The following WDR70 variants were observed in gnomAD, a reference collection of about 807,000 sequenced individuals.
WDR70 encodes WD repeat-containing protein 70.
A neutral mutation model predicts 88.6 loss-of-function variants in WDR70; 53 were observed. The ratio of observed to expected loss-of-function variants is 0.60; its 90% CI spans 0.48 to 0.75. The LOEUF (loss-of-function observed/expected upper bound fraction) is 0.75, where lower values mean the gene tolerates loss of function less well. WDR70 is among the 30% of genes least tolerant of loss of function. The pLI is 0.00. For missense variants in WDR70, 610 were observed against 823.2 expected, an observed-to-expected ratio of 0.74 and a Z score of 3.17; for synonymous variants, 280 against 270.0, an observed-to-expected ratio of 1.04 and a Z score of -0.36.
intron 7 of WDR70, among the ~76,000 whole-genome samples, chr5:37,464,792 T>C (rs912069394): frequency 6.6e-6 from 1 of 152,204 alleles, no homozygotes; most frequent in Non-Finnish European, 1.5e-5. Flanking sequence ...TGGAGCAAAC[T>C]GCACGGGTGC....
At chr5:37,494,973 A>G (rs2112201463) in intron 8 of WDR70, among the ~76,000 whole-genome samples, 1 of 152,384 alleles carries the variant, frequency 6.6e-6, no homozygotes. Context: ...TTATTGGAAC[A>G]TAGACACATC....
At chr5:37,489,498 T>C (rs1739996698) in intron 8 of WDR70, among the ~76,000 whole-genome samples, 1 of 152,118 alleles carries the variant, frequency 6.6e-6, no homozygotes, top group Non-Finnish European at 1.5e-5. Flanking sequence ...TTGGTGGTGG[T>C]GGCAGGCTGA....
At chr5:37,679,784 A>G (rs1746366668) in intron 10 of WDR70, among the ~76,000 whole-genome samples, 1 of 152,206 alleles carries the variant, frequency 6.6e-6, no homozygotes, top group Non-Finnish European at 1.5e-5. Context: ...GGGACATTTA[A>G]GTCTGCAGAG....
chr5:37,435,540 C>G (rs1750441028), intron 5 of WDR70, among the ~76,000 whole-genome samples: 1 of 152,068 alleles, frequency 6.6e-6, no homozygotes, highest in African/African-American at 2.4e-5. Context: ...GTAAACAAAA[C>G]AGTAATGTCT....
intron 10 of WDR70, among the ~76,000 whole-genome samples, chr5:37,625,659 G>T (rs907021881): frequency 1.3e-5 from 2 of 151,834 alleles, no homozygotes; most frequent in Non-Finnish European, 2.9e-5. Context: ...TGAGTAGTTG[G>T]GATTACAGGT....
At chr5:37,728,347 CCAAAAAAAAAAAAAAA>C (rs200001687) in intron 17 of WDR70, among the ~76,000 whole-genome samples, 4,701 of 78,790 alleles carry the variant, frequency 0.06, 252 homozygotes, top group African/African-American at 0.18. Flanking sequence ...GACCTTGCCT[CCAAAAAAAAAAAAAAA>C]CAAAAAAAAA....
intron 10 of WDR70, among the ~76,000 whole-genome samples, chr5:37,636,506 A>G (rs1382558598): frequency 1.3e-5 from 2 of 152,216 alleles, no homozygotes; most frequent in South Asian, 2.1e-4. Context: ...TATCAGCTAC[A>G]AAGGGAGAAT....
At chr5:37,725,151 G>A in intron 16 of WDR70, 101 bp downstream of exon 16, 1 of 911,304 alleles carries the variant, frequency 1.1e-6, no homozygotes, top group South Asian at 1.5e-5. Context: ...ATGCTTCTTT[G>A]TCTTCAGAGA....
intron 7 of WDR70, among the ~76,000 whole-genome samples, chr5:37,468,227 G>A (rs901535974): frequency 6.6e-6 from 1 of 152,150 alleles, no homozygotes; most frequent in Non-Finnish European, 1.5e-5. Context: ...ACTTGTTGAT[G>A]TAAATCTGAT....
intron 8 of WDR70, among the ~76,000 whole-genome samples, chr5:37,493,795 GA>G (rs1194902596): frequency 6.6e-6 from 1 of 151,612 alleles, no homozygotes. Flanking sequence ...ATCAAACAAA[GA>G]GCAGGAGTTA....
intron 11 of WDR70, 65 bp downstream of exon 11, chr5:37,697,819 A>T (rs1419098141): frequency 7.1e-7 from 1 of 1,399,694 alleles, no homozygotes; most frequent in Non-Finnish European, 1.0e-6. Flanking sequence ...AACAAATATG[A>T]CAATAATATC....
intron 6 of WDR70, among the ~76,000 whole-genome samples, chr5:37,441,569 C>A (rs532482694): frequency 6.6e-6 from 1 of 152,206 alleles, no homozygotes; most frequent in East Asian, 1.9e-4. Flanking sequence ...CTTCTAATCC[C>A]AGCTTTGCGA....
rs546044328 is a variant in WDR70 at position 37,698,873 on chromosome 5, A to G, written c.1192+1119A>G. Among the ~76,000 whole-genome samples the G allele has an allele frequency of 8.5e-5, 13 of 152,310 alleles. No homozygotes were observed. The South Asian group carries it at 2.3e-3, about 27-fold the overall frequency. On this transcript the variant is annotated intron_variant, in intron 11 of 17. Transcript: ENST00000265107. ...GTATAACTTTAAAAAATCAAAGCAC[A>G]TGTACATGTAATTCTCTATTTATGA...
chr5:37,530,873 T>C (rs1272984163), intron 9 of WDR70, among the ~76,000 whole-genome samples: 1 of 151,928 alleles, frequency 6.6e-6, no homozygotes. Context: ...TCCAGTTCCA[T>C]GAGGCGTGAC....
intron 10 of WDR70, among the ~76,000 whole-genome samples, chr5:37,675,082 T>A (rs1458041613): frequency 7.2e-5 from 11 of 152,174 alleles, no homozygotes; most frequent in Admixed American, 2.6e-4. Flanking sequence ...ATGCGGTTGT[T>A]TGTTTTCTTC....
chr5:37,511,871 C>T (rs1740732602), intron 8 of WDR70, among the ~76,000 whole-genome samples: 1 of 152,120 alleles, frequency 6.6e-6, no homozygotes, highest in Non-Finnish European at 1.5e-5. Flanking sequence ...CTAATGCATA[C>T]CACTGCAAAA....
chr5:37,489,152 G>A (rs1339729798), intron 8 of WDR70, among the ~76,000 whole-genome samples: 1 of 152,198 alleles, frequency 6.6e-6, no homozygotes, highest in African/African-American at 2.4e-5. Context: ...GCAATGCCAG[G>A]TGGGCCAGTC....
intron 10 of WDR70, among the ~76,000 whole-genome samples, chr5:37,655,799 G>A (rs1745537280): frequency 2.0e-5 from 3 of 151,732 alleles, no homozygotes; most frequent in South Asian, 4.1e-4. Context: ...GATCATTTAT[G>A]TTCTTCTCTA....
intron 2 of WDR70, among the ~76,000 whole-genome samples, chr5:37,381,072 C>T (rs1748410054): frequency 2.6e-5 from 4 of 152,172 alleles, no homozygotes; most frequent in Admixed American, 2.6e-4. Context: ...TGTTTCCATG[C>T]TCATCCAGTT....
Sources: allele counts gnomAD v4.1 joint callset (sites outside exome capture counted in the v4.1 genomes callset), GRCh38; gene constraint gnomAD v4.1.1; transcripts MANE v1.5; gene names NCBI Gene and HGNC (gene_info 2026-07-23, HGNC 2026-07-21).